KDM5A: variants seen among roughly 807,000 people sequenced by gnomAD.
The protein encoded by KDM5A is lysine demethylase 5A.
KDM5A carries 42 observed loss-of-function variants against 193.5 expected under a neutral mutation model. The ratio of observed to expected loss-of-function variants is 0.22; its 90% CI spans 0.17 to 0.28. KDM5A has a LOEUF of 0.28. KDM5A is among the 10% of genes least tolerant of loss of function. The pLI is 1.00. For synonymous variants in KDM5A, 796 were observed against 718.1 expected, an observed-to-expected ratio of 1.11 and a Z score of -1.73; for missense variants, 1,692 against 2,055.1, an observed-to-expected ratio of 0.82 and a Z score of 3.42.
At chr12:329,989 T>A (rs536513439) in intron 13 of KDM5A, among the ~76,000 whole-genome samples, 1 of 152,064 alleles carries the variant, frequency 6.6e-6, no homozygotes, top group East Asian at 1.9e-4. Context: ...AAAGAAAATT[T>A]GAGGCTATCT....
chr12:305,847 CA>C (rs1259486557), intron 24 of KDM5A, among the ~76,000 whole-genome samples: 2 of 151,982 alleles, frequency 1.3e-5, no homozygotes, highest in African/African-American at 4.8e-5. Flanking sequence ...GTTGTATCTG[CA>C]ACTGGAACTC....
chr12:296,102 T>G (rs1178532297), intron 25 of KDM5A, among the ~76,000 whole-genome samples: 2 of 152,112 alleles, frequency 1.3e-5, no homozygotes, highest in Non-Finnish European at 2.9e-5. Context: ...GTGGATCACC[T>G]GAGGTCAGGA....
rs777841476 is a variant in KDM5A, at chr12:322,526, T to A, written c.2317A>T (p.Arg773Trp). The A allele has an allele frequency of 2.5e-6, 4 of 1,613,122 alleles. No homozygotes were observed. The highest frequency in any genetic ancestry group is 2.5e-6 in the Non-Finnish European group (3 of 1,179,376). ...LRVMLEDAED[R>W]KYPENDLFRK... Reference sequence around the variant, plus strand: ...AAGAGATCATTCTCTGGGTATTTCCTATCCTCAGCATCTTCCAGCATTACT... The same window carrying A: ...AAGAGATCATTCTCTGGGTATTTCCAATCCTCAGCATCTTCCAGCATTACT... Residue 773 changes from arginine to tryptophan, a missense_variant, in exon 17 of 28, where the codon AGG becomes TGG. By Grantham distance (101) the Arg-to-Trp change is moderately radical. Around this residue, in one of 11 missense-constraint regions of KDM5A, gnomAD observed 965 missense variants for 1,061.0 expected, o/e 0.91. Transcript: ENST00000399788.
In KDM5A at chr12:361,218, G is replaced by A. The variant is rs574108272; in HGVS notation, c.672+1745C>T. On this transcript the variant is annotated intron_variant, in intron 5 of 27. Coordinates refer to ENST00000399788, the MANE Select transcript of KDM5A (RefSeq NM_001042603.3). ...CCTCCATTTTTTTTTTTCTGGAGAC[G>A]GAGTCTTGCTCTGTCGCCCAGACTG... 1.5e-4 allele frequency among the ~76,000 whole-genome samples: 22 copies of A among 151,462 alleles called. No homozygotes were observed. The East Asian group carries it at 1.9e-3, about 13-fold the overall frequency.
chr12:388,663 G>A, intron 1 of KDM5A: 1 of 559,640 alleles, frequency 1.8e-6, no homozygotes, highest in South Asian at 2.1e-5. Context: ...GCTAACGAAA[G>A]GCTTTAGGCC....
intron 5 of KDM5A, among the ~76,000 whole-genome samples, chr12:361,742 T>G (rs1328545712): frequency 2.6e-5 from 4 of 152,290 alleles, no homozygotes; most frequent in South Asian, 4.1e-4. Context: ...AAAAATGACT[T>G]AATGACTAAA....
chr12:387,199 T>G (rs777014306), intron 1 of KDM5A: 5 of 350,666 alleles, frequency 1.4e-5, no homozygotes, highest in South Asian at 1.1e-4. Flanking sequence ...AGAATAACAG[T>G]AAACCTATTT....
At chr12:344,285 T>C (rs1392640793) in intron 10 of KDM5A, among the ~76,000 whole-genome samples, 3 of 152,216 alleles carry the variant, frequency 2.0e-5, no homozygotes, top group Admixed American at 6.5e-5. Flanking sequence ...CAAATCTACA[T>C]TTGATTGGTG....
intron 14 of KDM5A, among the ~76,000 whole-genome samples, chr12:328,086 TATTC>T (rs1185166067): frequency 1.3e-5 from 2 of 152,182 alleles, no homozygotes; most frequent in Non-Finnish European, 2.9e-5. Context: ...GTGATAGATA[TATTC>T]ATTATCTTGA....
chr12:323,280 A>C, intron 15 of KDM5A, 74 bp from the exon 16 acceptor site: 1 of 1,459,912 alleles, frequency 6.8e-7, no homozygotes, highest in Admixed American at 2.5e-5. Context: ...CAATAACTTA[A>C]AAATAAAGTT....
intron 4 of KDM5A, 57 bp from the exon 5 acceptor site, chr12:363,154 G>C: frequency 1.9e-6 from 3 of 1,604,754 alleles, no homozygotes; most frequent in South Asian, 1.1e-5. Context: ...TCATGCTGGA[G>C]AATCAGTGTA....
chr12:373,835 G>T (rs1459007787), intron 3 of KDM5A, among the ~76,000 whole-genome samples: 1 of 152,116 alleles, frequency 6.6e-6, no homozygotes, highest in African/African-American at 2.4e-5. Context: ...ATTTCGTTAT[G>T]TACCCAGTAG....
chr12:388,805 T>C, intron 1 of KDM5A, 122 bp downstream of exon 1: 1 of 1,222,512 alleles, frequency 8.2e-7, no homozygotes, highest in Non-Finnish European at 1.2e-6. Flanking sequence ...AGAAACAGGC[T>C]CCAGTTGTCT....
intron 19 of KDM5A, among the ~76,000 whole-genome samples, chr12:315,255 C>G (rs994486680): frequency 2.0e-5 from 3 of 152,144 alleles, no homozygotes; most frequent in African/African-American, 7.2e-5. Context: ...TAATTTTACA[C>G]CTATCGCAAA....
intron 3 of KDM5A, among the ~76,000 whole-genome samples, chr12:374,147 T>C (rs945738327): frequency 2.6e-5 from 4 of 152,170 alleles, no homozygotes; most frequent in Non-Finnish European, 4.4e-5. Flanking sequence ...GTTAACTTTC[T>C]GTCTCGTTGA....
At chr12:342,997 G>A (rs1020025377) in intron 10 of KDM5A, among the ~76,000 whole-genome samples, 1 of 152,114 alleles carries the variant, frequency 6.6e-6, no homozygotes, top group Non-Finnish European at 1.5e-5. Flanking sequence ...AAGAACAAGG[G>A]GTCAGAGGAT....
intron 10 of KDM5A, among the ~76,000 whole-genome samples, chr12:349,994 G>T (rs1159788662): frequency 6.6e-6 from 1 of 151,844 alleles, no homozygotes; most frequent in South Asian, 2.1e-4. Flanking sequence ...TGGGCGTGGT[G>T]GTGCATGCCT....
rs75552739 is a variant in KDM5A, at chr12:292,714, T to A, written c.4866+45A>T. 3,104 of 1,613,646 alleles carry A rather than the reference T, an allele frequency of 1.9e-3. 45 individuals are homozygous for A. The African/African-American group carries it at 0.032, about 17-fold the overall frequency. On this transcript the variant is annotated intron_variant, in intron 27 of 27. Transcript: ENST00000399788. ...ATCAAACATGTGTCTCCACAACTGT[T>A]GCTCCTTGACCTCTCATGCTTGACT...
intron 14 of KDM5A, 25 bp downstream of exon 14, chr12:328,808 CAT>C (rs769431754): frequency 1.9e-6 from 3 of 1,608,692 alleles, no homozygotes; most frequent in South Asian, 1.1e-5. Flanking sequence ...CAGTATCAAA[CAT>C]AGAAAATGTG....
Sources: gnomAD v4.1 joint callset for allele counts (sites outside exome capture counted in the v4.1 genomes callset) on GRCh38, gnomAD v4.1.1 for gene constraint, gnomAD v4.1.1 regional missense constraint, MANE v1.5 for transcripts, NCBI Gene and HGNC (gene_info 2026-07-23, HGNC 2026-07-21) for gene names.